SMCO3: variants seen among roughly 807,000 people sequenced by gnomAD.
SMCO3 encodes the protein single-pass membrane protein with coiled-coil domains 3.
SMCO3 carries 6 observed loss-of-function variants against 12.0 expected under a neutral mutation model. The observed-to-expected ratio is 0.50, with a 90% CI of 0.27 to 0.99. SMCO3 has a LOEUF of 0.99. SMCO3 is among the 50% of genes least tolerant of loss of function. SMCO3 has a pLI of 0.11. For synonymous variants in SMCO3, 96 were observed against 96.4 expected, an observed-to-expected ratio of 1.00 and a Z score of 0.02; for missense variants, 279 against 265.0, an observed-to-expected ratio of 1.05 and a Z score of -0.37.
chr12:14,812,426 A>C (rs1950155400), intron 1 of SMCO3, among the ~76,000 whole-genome samples: 1 of 152,160 alleles, frequency 6.6e-6, no homozygotes. Flanking sequence ...CCTGGGTGAC[A>C]GAGGGAGACT....
At chr12:14,807,811 G>C (rs1381186679) in intron 1 of SMCO3, among the ~76,000 whole-genome samples, 1 of 151,956 alleles carries the variant, frequency 6.6e-6, no homozygotes, top group Non-Finnish European at 1.5e-5. Flanking sequence ...TATCGCACTT[G>C]GGCATTATTT....
rs562961859 is a variant in SMCO3, at chr12:14,806,193, A to G, written c.488T>C (p.Ile163Thr). 13 of 1,614,156 alleles carry G rather than the reference A, an allele frequency of 8.1e-6. No individual in the cohort carries two copies. Among genetic ancestry groups the G allele is most frequent in the African/African-American group, 6.7e-5 (5 of 75,032 alleles). ...GCCAAGGCCAAGAACAGCAACTCCA[A>G]TACTACCAAGGAGAGAAGCACCAAT... ...AQIGASLLGS[I>T]GVAVLGLGID... Residue 163 changes from isoleucine to threonine, a missense_variant, in exon 2 of 2, where the codon ATT (isoleucine) becomes ACT (threonine). Coordinates refer to ENST00000316048, the MANE Select transcript of SMCO3 (RefSeq NM_001013698.2).
intron 1 of SMCO3, among the ~76,000 whole-genome samples, chr12:14,810,557 T>C (rs1488944149): frequency 2.0e-5 from 3 of 152,228 alleles, no homozygotes; most frequent in Non-Finnish European, 2.9e-5. Flanking sequence ...GATTTATAAC[T>C]GTAATATCAA....
rs1204086581 is a variant in SMCO3, at chr12:14,805,067, A to G, written c.*936T>C. The G allele has an allele frequency of 6.6e-6, 1 of 152,248 alleles. No individual in the cohort carries two copies. Among genetic ancestry groups the G allele is most frequent in the East Asian group, 1.9e-4 (1 of 5,206 alleles). 9.4% of individuals were successfully genotyped at this position (152,248 alleles called of 1,614,324 possible). A position where few individuals can be genotyped will look rare whatever the true frequency, so the allele number is the denominator to read the frequency against. On this transcript the variant is annotated 3_prime_UTR_variant, in exon 2 of 2. Transcript: ENST00000316048. Reference sequence around the variant, plus strand: ...CTTTGGCGTTTTCTAAAATCAGGTAATTAGTGAAATGGCCCACCTAATGCG... The same window carrying G: ...CTTTGGCGTTTTCTAAAATCAGGTAGTTAGTGAAATGGCCCACCTAATGCG...
rs867713866 is a variant in SMCO3, at chr12:14,806,766, A to G, written c.-16-70T>C. 6.6e-6 allele frequency: 9 copies of G among 1,368,770 alleles called. No individual in the cohort carries two copies. In the African/African-American group the frequency reaches 1.2e-4, roughly 18 times the overall value. The allele number at this position is 1,368,770 out of a possible 1,614,324, so 84.8% of individuals were successfully genotyped here. Reference sequence around the variant, plus strand: ...GTCTGCTAACTGTGTAGAAGGGACTAGGAAATCTTTTTCTTCATGCATAGC... The same window carrying G: ...GTCTGCTAACTGTGTAGAAGGGACTGGGAAATCTTTTTCTTCATGCATAGC... On this transcript the variant is annotated intron_variant, in intron 1 of 1. Transcript: ENST00000316048.
At position 14,806,321 on chromosome 12, in the gene SMCO3, G is replaced by C. The variant is rs905222613; in HGVS notation, c.360C>G (p.Ile120Met). ...TGGCTGCAGATGTAGCTTCTCCCAG[G>C]ATGACCGAAATAACCTTTTGCACTA... Reference protein sequence around the residue: ...IAIVQKVISVILGEATSAASA... With the variant: ...IAIVQKVISVMLGEATSAASA... The change falls in exon 2 of 2, where the codon ATC (isoleucine) becomes ATG (methionine). Residue 120 changes from isoleucine to methionine, a missense_variant. Ile to Met is a conservative substitution (Grantham distance 10). Transcript: ENST00000316048. 1 of 1,614,202 alleles carries C rather than the reference G, an allele frequency of 6.2e-7. No homozygotes were observed. The highest frequency in any genetic ancestry group is 1.1e-5 in the South Asian group (1 of 91,086).
rs543703519 is a variant in SMCO3 at position 14,805,926 on chromosome 12, T to C, written c.*77A>G. On this transcript the variant is annotated 3_prime_UTR_variant, in exon 2 of 2. Coordinates refer to ENST00000316048, the MANE Select transcript of SMCO3 (RefSeq NM_001013698.2). Reference sequence around the variant, plus strand: ...GTCCATATTGGAAGCCTATAGAAAATGAACCTAATCAAAGAAGCAAACACT... The same window carrying C: ...GTCCATATTGGAAGCCTATAGAAAACGAACCTAATCAAAGAAGCAAACACT... 2.9e-4 allele frequency: 410 copies of C among 1,395,526 alleles called. No homozygotes were observed. The highest frequency in any genetic ancestry group is 3.8e-4 in the Non-Finnish European group (385 of 1,023,338). The allele number at this position is 1,395,526 out of a possible 1,614,324, so 86.4% of individuals were successfully genotyped here. A position where few individuals can be genotyped will look rare whatever the true frequency, so the allele number is the denominator to read the frequency against.
intron 1 of SMCO3, 112 bp from the exon 2 acceptor site, chr12:14,806,808 G>T (rs1426172954): frequency 4.1e-6 from 4 of 974,454 alleles, no homozygotes; most frequent in Non-Finnish European, 6.0e-6. Flanking sequence ...GCAAGATGCT[G>T]TCTAAGGATA....
At position 14,806,548 on chromosome 12, in the gene SMCO3, T is replaced by C; in HGVS notation, c.133A>G (p.Met45Val). The change falls in exon 2 of 2, where the codon ATG becomes GTG. Residue 45 changes from methionine (M) to valine (V), a missense_variant. Met to Val is a conservative substitution (Grantham distance 21). Transcript: ENST00000316048. ...GAGGCCAGCCTGCACCCCAAGTGCATATTTAGAACCTCAGTCAGCTTATTG... is the reference window on the plus strand; with the variant it reads ...GAGGCCAGCCTGCACCCCAAGTGCACATTTAGAACCTCAGTCAGCTTATTG... ...VTNKLTEVLN[M>V]HLGCRLASIE... The C allele has an allele frequency of 1.2e-6, 2 of 1,614,146 alleles. No homozygotes were observed. Among genetic ancestry groups the C allele is most frequent in the Non-Finnish European group, 1.7e-6 (2 of 1,180,024 alleles).
Position 14,804,992 on chromosome 12 carries a change from A to G in SMCO3, c.*1011T>C, listed in dbSNP as rs758288989. 2.6e-5 allele frequency: 4 copies of G among 152,204 alleles called. No individual in the cohort carries two copies. The highest frequency in any genetic ancestry group is 5.9e-5 in the Non-Finnish European group (4 of 68,028). 9.4% of individuals were successfully genotyped at this position (152,204 alleles called of 1,614,324 possible). On this transcript the variant is annotated 3_prime_UTR_variant, in exon 2 of 2. Coordinates refer to ENST00000316048, the MANE Select transcript of SMCO3 (RefSeq NM_001013698.2). ...TATTGGTTGGCAAAGGATTTAGAAA[A>G]CAAACACATCTGCAGAGATTCAGCG...
chr12:14,812,578 A>G (rs976798700), intron 1 of SMCO3, among the ~76,000 whole-genome samples: 3 of 152,044 alleles, frequency 2.0e-5, no homozygotes, highest in African/African-American at 7.2e-5. Context: ...TTCCTCCATT[A>G]TCTGGATTAT....
chr12:14,812,148 G>A (rs1201976538), intron 1 of SMCO3, among the ~76,000 whole-genome samples: 2 of 152,124 alleles, frequency 1.3e-5, no homozygotes, highest in African/African-American at 4.8e-5. Context: ...CCTATTTATA[G>A]CTTTAAAAAT....
chr12:14,813,827 C>A (rs1463449635), intron 1 of SMCO3, among the ~76,000 whole-genome samples: 1 of 152,126 alleles, frequency 6.6e-6, no homozygotes, highest in Non-Finnish European at 1.5e-5. Flanking sequence ...ACACAGGTAT[C>A]ATTTCATCCT....
rs776633171 is a variant in SMCO3 at position 14,805,964 on chromosome 12, G to T, written c.*39C>A. On this transcript the variant is annotated 3_prime_UTR_variant, in exon 2 of 2. Coordinates refer to ENST00000316048, the MANE Select transcript of SMCO3 (RefSeq NM_001013698.2). ...AGAAGCAAACACTGTTACTGAAAAG[G>T]AAGCAGAAAAACACTTCAGTGGCAA... 1 of 1,541,166 alleles carries T rather than the reference G, an allele frequency of 6.5e-7. No homozygotes were observed. The highest frequency in any genetic ancestry group is 2.0e-5 in the Admixed American group (1 of 50,914).
In SMCO3 at chr12:14,806,562, G is replaced by T; in HGVS notation, c.119C>A (p.Thr40Asn). 1.2e-6 allele frequency: 2 copies of T among 1,614,144 alleles called. No individual in the cohort carries two copies. The highest frequency in any genetic ancestry group is 1.7e-6 in the Non-Finnish European group (2 of 1,180,034). Reference sequence around the variant, plus strand: ...CCCCAAGTGCATATTTAGAACCTCAGTCAGCTTATTGGTGACATCGAAGCT... The same window carrying T: ...CCCCAAGTGCATATTTAGAACCTCATTCAGCTTATTGGTGACATCGAAGCT... ...SDSFDVTNKL[T>N]EVLNMHLGCR... Residue 40 changes from threonine to asparagine, a missense_variant, in exon 2 of 2, where the codon ACT becomes AAT. Thr to Asn is a moderately conservative substitution (Grantham distance 65). Transcript: ENST00000316048.
chr12:14,807,844 G>GA (rs891747731), intron 1 of SMCO3, among the ~76,000 whole-genome samples: 1 of 151,816 alleles, frequency 6.6e-6, no homozygotes, highest in African/African-American at 2.4e-5. Flanking sequence ...GTGAACGTCA[G>GA]AAAAAAAATG....
Position 14,804,964 on chromosome 12 carries a change from A to C in SMCO3, c.*1039T>G, listed in dbSNP as rs1187737375. 6.6e-6 allele frequency: 1 copy of C among 152,208 alleles called. No individual in the cohort carries two copies. Among genetic ancestry groups the C allele is most frequent in the African/African-American group, 2.4e-5 (1 of 41,454 alleles). 9.4% of individuals were successfully genotyped at this position (152,208 alleles called of 1,614,324 possible). A position where few individuals can be genotyped will look rare whatever the true frequency, so the allele number is the denominator to read the frequency against. ...TATAGACTAAAAGAGTCCTCATGGG[A>C]ATTATTGGTTGGCAAAGGATTTAGA... On this transcript the variant is annotated 3_prime_UTR_variant, in exon 2 of 2. Coordinates refer to ENST00000316048, the MANE Select transcript of SMCO3 (RefSeq NM_001013698.2).
intron 1 of SMCO3, among the ~76,000 whole-genome samples, chr12:14,810,061 A>C (rs1950112545): frequency 6.6e-6 from 1 of 152,174 alleles, no homozygotes; most frequent in Non-Finnish European, 1.5e-5. Context: ...TCCAATAACG[A>C]GTTTGGCTAA....
chr12:14,808,139 T>A (rs979146611), intron 1 of SMCO3, among the ~76,000 whole-genome samples: 8 of 151,416 alleles, frequency 5.3e-5, no homozygotes, highest in African/African-American at 1.9e-4. Context: ...CACTCCAGCC[T>A]GGGCAACAGA....
Sources: allele counts gnomAD v4.1 joint callset (sites outside exome capture counted in the v4.1 genomes callset), GRCh38; gene constraint gnomAD v4.1.1; transcripts MANE v1.5; gene names NCBI Gene and HGNC (gene_info 2026-07-23, HGNC 2026-07-21).